The following IGF2R variants were observed in gnomAD, a reference collection of about 807,000 sequenced individuals.
IGF2R encodes cation-independent mannose-6-phosphate receptor.
A neutral mutation model predicts 270.6 loss-of-function variants in IGF2R; 91 were observed. The observed-to-expected ratio is 0.34, with a 90% CI of 0.28 to 0.40. IGF2R has a LOEUF of 0.40. IGF2R is among the 10% of genes least tolerant of loss of function. IGF2R has a pLI of 1.00. For synonymous variants in IGF2R, 1,316 were observed against 1,258.9 expected (o/e 1.05, Z -0.96); for missense variants, 2,805 against 3,188.3 (o/e 0.88, Z 2.90).
chr6:160,078,547 C>T (rs2115280641), intron 37 of IGF2R, among the ~76,000 whole-genome samples, 185 bp downstream of exon 37: 1 of 152,270 alleles, frequency 6.6e-6, no homozygotes, highest in East Asian at 1.9e-4. Context: ...ATTGCGTGGC[C>T]AACTCAGCGC....
In IGF2R at chr6:160,054,655, T is replaced by G. The variant is rs372727140; in HGVS notation, c.2695-1769T>G. ...CCCGTCATGGACAGGAATGCAATTT[T>G]TAAGTTTCTCTGGAGTCCCCTTGGC... On this transcript the variant is annotated intron_variant, in intron 19 of 47. Coordinates refer to ENST00000356956, the MANE Select transcript of IGF2R (RefSeq NM_000876.4). 5.9e-5 allele frequency among the ~76,000 whole-genome samples: 9 copies of G among 152,332 alleles called. No individual in the cohort carries two copies. The East Asian group carries it at 1.7e-3, about 29-fold the overall frequency.
At chr6:160,035,352 C>T (rs1409303452) in intron 10 of IGF2R, among the ~76,000 whole-genome samples, 3 of 152,206 alleles carry the variant, frequency 2.0e-5, no homozygotes, top group African/African-American at 4.8e-5. Context: ...TGGGTTGCTA[C>T]AGGATTCACT....
chr6:160,038,534 ACTTACACGTTTTT>A (rs1380118596), intron 10 of IGF2R, among the ~76,000 whole-genome samples: 1 of 152,192 alleles, frequency 6.6e-6, no homozygotes, highest in Non-Finnish European at 1.5e-5. Context: ...TTATTTGTAA[ACTTACACGTTTTT>A]CTTCACGTTT....
chr6:160,064,681 T>G, intron 28 of IGF2R, 123 bp from the exon 29 acceptor site: 1 of 1,107,998 alleles, frequency 9.0e-7, no homozygotes, highest in Non-Finnish European at 1.3e-6. Flanking sequence ...GTTGAAACTT[T>G]CATCAGTTAG....
At chr6:159,970,319 T>C (rs923202611) in intron 1 of IGF2R, among the ~76,000 whole-genome samples, 3 of 152,132 alleles carry the variant, frequency 2.0e-5, no homozygotes, top group Non-Finnish European at 4.4e-5. Context: ...GGATGAAAAG[T>C]TTTGAACAGA....
intron 1 of IGF2R, among the ~76,000 whole-genome samples, chr6:159,976,081 T>C (rs1783689317): frequency 6.6e-6 from 1 of 152,068 alleles, no homozygotes; most frequent in Admixed American, 6.5e-5. Flanking sequence ...TTTCTGTTTC[T>C]TAAAGTTTGG....
In IGF2R at chr6:160,080,427, A is replaced by G. The variant is rs547186139; in HGVS notation, c.5833+152A>G. ...TACTCGGGCTGTTTCCCACAGAGAA[A>G]CGTTTGAATTGCTCTGTGGGATTGC... On this transcript the variant is annotated intron_variant, in intron 39 of 47. Coordinates refer to ENST00000356956, the MANE Select transcript of IGF2R (RefSeq NM_000876.4). 5.1e-6 allele frequency: 4 copies of G among 788,516 alleles called. No homozygotes were observed. In the African/African-American group the frequency reaches 7.0e-5, roughly 14 times the overall value. 48.8% of individuals were successfully genotyped at this position (788,516 alleles called of 1,614,324 possible). A position where few individuals can be genotyped will look rare whatever the true frequency, so the allele number is the denominator to read the frequency against.
chr6:160,040,809 TTTTC>T, intron 11 of IGF2R, 85 bp downstream of exon 11: 1 of 1,412,020 alleles, frequency 7.1e-7, no homozygotes. Flanking sequence ...GCGGTTACTA[TTTTC>T]TTTGTCAGTG....
chr6:160,043,796 A>G (rs1778001301), intron 12 of IGF2R, among the ~76,000 whole-genome samples: 1 of 152,172 alleles, frequency 6.6e-6, no homozygotes, highest in African/African-American at 2.4e-5. Context: ...TTAGCACTTC[A>G]TTTTTGTCAT....
At chr6:160,088,992 A>C in intron 42 of IGF2R, 115 bp from the exon 43 acceptor site, 1 of 1,059,588 alleles carries the variant, frequency 9.4e-7, no homozygotes, top group East Asian at 2.8e-5. Flanking sequence ...GTCTCGCAGC[A>C]CCTTGACTGA....
At chr6:160,048,719 T>A (rs1778127138) in intron 18 of IGF2R, among the ~76,000 whole-genome samples, 176 bp downstream of exon 18, 4 of 152,228 alleles carry the variant, frequency 2.6e-5, no homozygotes, top group Admixed American at 2.6e-4. Context: ...AGCAGAAGTG[T>A]GTCACACAGG....
At chr6:159,990,775 G>A (rs571633768) in intron 1 of IGF2R, among the ~76,000 whole-genome samples, 33 of 152,244 alleles carry the variant, frequency 2.2e-4, no homozygotes, top group Middle Eastern at 3.4e-3. Flanking sequence ...AATTATAGGC[G>A]TGTGCCACCA....
At chr6:160,047,481 G>A (rs1032801614) in intron 16 of IGF2R, 145 bp downstream of exon 16, 2 of 716,212 alleles carry the variant, frequency 2.8e-6, no homozygotes, top group African/African-American at 1.8e-5. Context: ...GGCAGTATTA[G>A]TATTTTAAGC....
intron 7 of IGF2R, among the ~76,000 whole-genome samples, chr6:160,031,093 C>T (rs142831120): frequency 1.3e-5 from 2 of 152,236 alleles, no homozygotes; most frequent in African/African-American, 2.4e-5. Flanking sequence ...CTGTCCACCT[C>T]GGCCTCCCAC....
intron 32 of IGF2R, among the ~76,000 whole-genome samples, chr6:160,072,489 A>G (rs1778763595): frequency 6.6e-6 from 1 of 152,168 alleles, no homozygotes; most frequent in South Asian, 2.1e-4. Flanking sequence ...GGCTCTCCCC[A>G]TGCCCACCAG....
chr6:160,064,669 A>AT, intron 28 of IGF2R, 135 bp from the exon 29 acceptor site: 1 of 1,140,450 alleles, frequency 8.8e-7, no homozygotes, highest in Non-Finnish European at 1.3e-6. Context: ...TACAGAAAAT[A>AT]TGTTGAAACT....
At position 160,102,671 on chromosome 6, in the gene IGF2R, G is replaced by C; in HGVS notation, c.6995G>C (p.Arg2332Thr). Residue 2332 changes from arginine (R) to threonine (T), a missense_variant and splice_region_variant, in exon 46 of 48, where the codon AGG becomes ACG. Around this residue, in one of 2 missense-constraint regions of IGF2R, gnomAD observed 1,851 missense variants for 2,207.2 expected, o/e 0.84. Transcript: ENST00000356956. This position sits in a 1 kb window ranked among gnomAD's most constrained non-coding sequence, Gnocchi z 4.5. ...CTGTTGCTCTACAAGAAGGAGAGGA[G>C]GTAAGCGGGTGGCAGGGCGAGGTGG... The part of the protein sequence containing the change: ...LALLLYKKER[R>T]ETVISKLTTC... 1 of 1,596,214 alleles carries C rather than the reference G, an allele frequency of 6.3e-7. No individual in the cohort carries two copies. Among genetic ancestry groups the C allele is most frequent in the Non-Finnish European group, 8.6e-7 (1 of 1,169,124 alleles).
intron 31 of IGF2R, among the ~76,000 whole-genome samples, 177 bp downstream of exon 31, chr6:160,070,235 C>G (rs1778687251): frequency 6.6e-6 from 1 of 152,236 alleles, no homozygotes; most frequent in African/African-American, 2.4e-5. Context: ...CTGGGGAACC[C>G]TCGTGCTGTC....
chr6:160,017,553 A>G (rs1188824460), intron 4 of IGF2R, among the ~76,000 whole-genome samples: 1 of 152,212 alleles, frequency 6.6e-6, no homozygotes, highest in Non-Finnish European at 1.5e-5. Context: ...TCACCACAAC[A>G]TATAGCCATG....
Sources: allele counts gnomAD v4.1 joint callset (sites outside exome capture counted in the v4.1 genomes callset), GRCh38; gene constraint gnomAD v4.1.1; regional missense constraint gnomAD v4.1.1; non-coding constraint Gnocchi (gnomAD v3.1); transcripts MANE v1.5; gene names NCBI Gene and HGNC (gene_info 2026-07-23, HGNC 2026-07-21).